Variants in C6orf132 observed in about 807,000 individuals in gnomAD.
C6orf132 encodes chromosome 6 open reading frame 132, also known as uncharacterized protein C6orf132.
In C6orf132, 43 loss-of-function variants were observed where a neutral mutation model predicts 65.3. The ratio of observed to expected loss-of-function variants is 0.66; its 90% confidence interval spans 0.52 to 0.85. The LOEUF is 0.85. Among genes scored for constraint, C6orf132 ranks in the 40% least tolerant of loss-of-function variants. The pLI is 0.00. For synonymous variants in C6orf132, 631 were observed against 654.1 expected, an observed-to-expected ratio of 0.96 and a Z score of 0.54; for missense variants, 1,488 against 1,548.8, an observed-to-expected ratio of 0.96 and a Z score of 0.66.
chr6:42,106,123 C>T lies in C6orf132; in HGVS notation c.1789G>A (p.Gly597Arg). 6.5e-7 allele frequency: 1 copy of T among 1,537,246 alleles called. No homozygotes were observed. Among genetic ancestry groups the T allele is most frequent in the East Asian group, 2.4e-5 (1 of 40,920 alleles). Reference sequence around the variant, plus strand: ...GCCCCGTTTTCACAAATTCTTCCCCCTTCTAGCCGAGGCTTAGGGGGCAGA... The same window carrying T: ...GCCCCGTTTTCACAAATTCTTCCCCTTTCTAGCCGAGGCTTAGGGGGCAGA... ...GSLPPKPRLE[G>R]GRICENGADD... The change falls in exon 4 of 5, where the codon GGG (glycine) becomes AGG (arginine). Residue 597 changes from glycine to arginine, a missense_variant. Physicochemically the swap from Gly to Arg is moderately radical, Grantham distance 125 (BLOSUM62 -2). Coordinates refer to ENST00000341865, the MANE Select transcript of C6orf132 (RefSeq NM_001164446.3).
At chr6:42,110,661 A>T (rs1766479800) in intron 2 of C6orf132, among the ~76,000 whole-genome samples, 1 of 152,226 alleles carries the variant, frequency 6.6e-6, no homozygotes, top group Admixed American at 6.5e-5. Context: ...CTGCTTAAAG[A>T]CATTTTAATA....
intron 2 of C6orf132, among the ~76,000 whole-genome samples, chr6:42,127,957 C>T (rs184433586): frequency 9.8e-4 from 143 of 146,540 alleles, no homozygotes; most frequent in African/African-American, 3.1e-3. Flanking sequence ...CGGAGTCTTG[C>T]TCTGTCACCC....
At chr6:42,136,527 C>T (rs1478918078) in intron 1 of C6orf132, among the ~76,000 whole-genome samples, 1 of 152,180 alleles carries the variant, frequency 6.6e-6, no homozygotes, top group Non-Finnish European at 1.5e-5. Flanking sequence ...TTCTACTTCT[C>T]CCTCACCGTA....
Position 42,107,431 on chromosome 6 carries a change from A to AC in C6orf132, c.480dup (p.Ser161ValfsTer53), listed in dbSNP as rs1357775486. 4.7e-6 allele frequency: 6 copies of AC among 1,268,546 alleles called. No individual in the cohort carries two copies. The highest frequency in any genetic ancestry group is 3.0e-5 in the Admixed American group (1 of 33,378). 78.6% of individuals were successfully genotyped at this position (1,268,546 alleles called of 1,614,324 possible). On this transcript the variant is annotated frameshift_variant, in exon 4 of 5. Coordinates refer to ENST00000341865, the MANE Select transcript of C6orf132 (RefSeq NM_001164446.3). LOFTEE classifies it high-confidence loss of function. ...GTGGAAGGTGGAGATGGCAGTGGCG[A>AC]CCCCCCTGGAGGTTCTGAAATGTCC...
At chr6:42,137,622 T>A (rs1475765260) in intron 1 of C6orf132, among the ~76,000 whole-genome samples, 1 of 152,042 alleles carries the variant, frequency 6.6e-6, no homozygotes, top group African/African-American at 2.4e-5. Context: ...ATGTAGAACC[T>A]ACCATGTGCC....
Position 42,105,620 on chromosome 6 carries a change from C to T in C6orf132, c.2292G>A (p.Glu764=), listed in dbSNP as rs777490227. Residue 764 remains glutamate, a synonymous_variant, in exon 4 of 5, where the codon GAG becomes GAA. Coordinates refer to ENST00000341865, the MANE Select transcript of C6orf132 (RefSeq NM_001164446.3). ...FPPKTSPGGG[E]VPCLYKPHCH... ...AGTGGGGCTTGTAGAGACATGGCAC[C>T]TCTCCTCCACCAGGAGATGTCTTTG... 1 of 1,537,064 alleles carries T rather than the reference C, an allele frequency of 6.5e-7. No individual in the cohort carries two copies. The highest frequency in any genetic ancestry group is 1.2e-5 in the South Asian group (1 of 84,064).
At position 42,142,280 on chromosome 6, in the gene C6orf132, T is replaced by G. The variant is rs1767048904; in HGVS notation, c.145+20A>C. On this transcript the variant is annotated intron_variant, in intron 1 of 4. Transcript: ENST00000341865. ...GCCCTCCGTCCCCGCCCCAGCGCCC[T>G]CCGTCCCCGGAGTACTCACCGAAGC... 1 of 1,545,128 alleles carries G rather than the reference T, an allele frequency of 6.5e-7. No homozygotes were observed. Among genetic ancestry groups the G allele is most frequent in the African/African-American group, 1.4e-5 (1 of 72,444 alleles).
intron 2 of C6orf132, among the ~76,000 whole-genome samples, chr6:42,120,600 A>C (rs1490737834): frequency 6.7e-6 from 1 of 149,556 alleles, no homozygotes; most frequent in Non-Finnish European, 1.5e-5. Context: ...AAAAATACCC[A>C]ATACAATAAT....
intron 2 of C6orf132, among the ~76,000 whole-genome samples, chr6:42,115,685 G>A (rs1205647377): frequency 5.3e-5 from 8 of 152,050 alleles, no homozygotes; most frequent in South Asian, 2.1e-4. Context: ...CGGTTAAAAC[G>A]GTAAATTTTA....
At position 42,142,494 on chromosome 6, in the gene C6orf132, C is replaced by T. The variant is rs1449803188; in HGVS notation, c.-50G>A. The T allele has an allele frequency of 6.5e-7, 1 of 1,530,906 alleles. No homozygotes were observed. The highest frequency in any genetic ancestry group is 8.8e-7 in the Non-Finnish European group (1 of 1,136,800). 94.8% of individuals were successfully genotyped at this position (1,530,906 alleles called of 1,614,324 possible). ...AGGGAAGGACCTTCCCTCCCTCGCC[C>T]TGCCCTGCCCCGGACTGAACTCAGC... On this transcript the variant is annotated 5_prime_UTR_variant, in exon 1 of 5. Coordinates refer to ENST00000341865, the MANE Select transcript of C6orf132 (RefSeq NM_001164446.3).
intron 2 of C6orf132, among the ~76,000 whole-genome samples, chr6:42,117,409 C>T (rs1486184649): frequency 6.6e-6 from 1 of 152,152 alleles, no homozygotes; most frequent in East Asian, 1.9e-4. Context: ...TGACAGCCTG[C>T]TTCCTTTGCC....
At chr6:42,108,741 G>A (rs897856652) in intron 3 of C6orf132, among the ~76,000 whole-genome samples, 3 of 152,064 alleles carry the variant, frequency 2.0e-5, no homozygotes, top group Non-Finnish European at 2.9e-5. Context: ...TCTTGTCCTC[G>A]GACCAGGTCC....
At chr6:42,125,802 A>C (rs1482138144) in intron 2 of C6orf132, among the ~76,000 whole-genome samples, 2 of 151,174 alleles carry the variant, frequency 1.3e-5, no homozygotes, top group South Asian at 4.2e-4. Flanking sequence ...CCTGGGGTCT[A>C]TGCAGCCCCT....
At position 42,106,912 on chromosome 6, in the gene C6orf132, C is replaced by G; in HGVS notation, c.1000G>C (p.Ala334Pro). The G allele has an allele frequency of 6.5e-7, 1 of 1,535,946 alleles. No homozygotes were observed. The highest frequency in any genetic ancestry group is 1.2e-5 in the South Asian group (1 of 83,990). Residue 334 changes from alanine (A) to proline (P), a missense_variant, in exon 4 of 5, where the codon GCT becomes CCT. Ala to Pro is a conservative substitution (Grantham distance 27, BLOSUM62 -1). Transcript: ENST00000341865. ...PRKEEGATKK[A>P]PSRLPLPPSF... ...GGAGGCAGTGGGAGTCGGCTGGGAG[C>G]CTTCTTGGTGGCCCCCTCTTCCTTT... is the stretch of plus-strand genomic sequence containing the variant.
In C6orf132 at chr6:42,104,437, C is replaced by T. The variant is rs1766350782; in HGVS notation, c.3449+26G>A. The stretch of plus-strand genomic sequence containing the variant: ...CTGGCTTTCCACCCCTCCTGGCTTC[C>T]CGCACCAGCCGGGCCCGCAGCTCAC... On this transcript the variant is annotated intron_variant, in intron 4 of 4. Coordinates refer to ENST00000341865, the MANE Select transcript of C6orf132 (RefSeq NM_001164446.3). The surrounding 1 kb of genome is among the most constrained non-coding windows in gnomAD (Gnocchi z 4.1). 19 of 1,230,178 alleles carry T rather than the reference C, an allele frequency of 1.5e-5. No individual in the cohort carries two copies. The highest frequency in any genetic ancestry group is 1.8e-5 in the Non-Finnish European group (18 of 987,084). 76.2% of individuals were successfully genotyped at this position (1,230,178 alleles called of 1,614,324 possible). A position where few individuals can be genotyped will look rare whatever the true frequency, so the allele number is the denominator to read the frequency against.
intron 1 of C6orf132, among the ~76,000 whole-genome samples, chr6:42,131,737 C>T (rs889113815): frequency 6.6e-6 from 1 of 152,212 alleles, no homozygotes; most frequent in Non-Finnish European, 1.5e-5. Context: ...CTCACAGATC[C>T]CATGACTCAG....
At chr6:42,109,993 C>T (rs1278995791) in intron 3 of C6orf132, among the ~76,000 whole-genome samples, 2 of 152,202 alleles carry the variant, frequency 1.3e-5, no homozygotes, top group African/African-American at 2.4e-5. Context: ...CCTTCCCCCG[C>T]CAGAAAGGGG....
At chr6:42,131,490 T>C (rs1766852683) in intron 1 of C6orf132, among the ~76,000 whole-genome samples, 1 of 152,204 alleles carries the variant, frequency 6.6e-6, no homozygotes, top group African/African-American at 2.4e-5. Flanking sequence ...TCACAGTAAG[T>C]GTTGAAGCCA....
rs1766291712 is a variant in C6orf132, at chr6:42,101,986, T to A, written c.*1775A>T. The A allele has an allele frequency of 6.6e-6, 1 of 152,254 alleles. No individual in the cohort carries two copies. The highest frequency in any genetic ancestry group is 1.5e-5 in the Non-Finnish European group (1 of 68,060). 9.4% of individuals were successfully genotyped at this position (152,254 alleles called of 1,614,324 possible). On this transcript the variant is annotated 3_prime_UTR_variant, in exon 5 of 5. Coordinates refer to ENST00000341865, the MANE Select transcript of C6orf132 (RefSeq NM_001164446.3). ...GAAATGGGCACTCTCCAGTCCTTCCTTCTTACTGAGGCAGCCCACCTTGAC... is the reference window on the plus strand; with the variant it reads ...GAAATGGGCACTCTCCAGTCCTTCCATCTTACTGAGGCAGCCCACCTTGAC...
Sources: gnomAD v4.1 joint callset for allele counts (sites outside exome capture counted in the v4.1 genomes callset) on GRCh38, gnomAD v4.1.1 for gene constraint, Gnocchi (gnomAD v3.1) non-coding constraint, MANE v1.5 for transcripts, NCBI Gene and HGNC (gene_info 2026-07-23, HGNC 2026-07-21) for gene names.